Variants in NDRG2 observed in about 807,000 individuals in gnomAD.
NDRG2 encodes the protein NDRG family member 2.
A neutral mutation model predicts 58.2 loss-of-function variants in NDRG2; 34 were observed. That is an observed-to-expected ratio of 0.58 (90% CI 0.44 to 0.78). The LOEUF is 0.78. NDRG2 is among the 30% of genes least tolerant of loss of function. NDRG2 has a pLI of 0.00. For synonymous variants in NDRG2, 187 were observed against 175.9 expected (o/e 1.06, Z -0.50); for missense variants, 434 against 471.2 (o/e 0.92, Z 0.73).
upstream of NDRG2, among the ~76,000 whole-genome samples, chr14:21,029,884 G>A (rs1883944427): frequency 6.6e-6 from 1 of 152,174 alleles, no homozygotes; most frequent in Non-Finnish European, 1.5e-5. Flanking sequence ...AGAAATAAAT[G>A]TCTGTTGTTT....
At chr14:21,025,074 G>C, upstream of NDRG2, 2 of 986,028 alleles carry the variant, frequency 2.0e-6, no homozygotes, top group Non-Finnish European at 1.2e-6. This position sits in a 1 kb window ranked among gnomAD's most constrained non-coding sequence, Gnocchi z 5.1. Flanking sequence ...CTTTGACTCG[G>C]GCCCGCCCCG....
chr14:21,034,544 C>T, intron 1 of NDRG2: 1 of 472,918 alleles, frequency 2.1e-6, no homozygotes, highest in Non-Finnish European at 3.8e-6. Context: ...GCTACATTTG[C>T]AGAATAAGAG....
intron 1 of NDRG2, chr14:21,042,819 G>A (rs567746450): frequency 4.3e-4 from 263 of 615,744 alleles, no homozygotes; most frequent in Non-Finnish European, 6.7e-4. Context: ...TGCAGTGGAT[G>A]TGGACACACA....
At chr14:21,033,940 G>A (rs781034805) in intron 1 of NDRG2, 2 of 1,613,874 alleles carry the variant, frequency 1.2e-6, no homozygotes, top group East Asian at 2.2e-5. Flanking sequence ...GGTGGCTGTT[G>A]GTGGCTCAGG....
chr14:21,017,386 C>G lies in NDRG2; in HGVS notation c.*210G>C. 3.2e-6 allele frequency: 2 copies of G among 627,826 alleles called. No individual in the cohort carries two copies. The highest frequency in any genetic ancestry group is 4.0e-5 in the South Asian group (2 of 50,220). 38.9% of individuals were successfully genotyped at this position (627,826 alleles called of 1,614,324 possible). ...GAGGAGAATTTAGGGGTCTGGGTCC[C>G]TAAGAGATATTAGGACATCTCTTCC... is the stretch of plus-strand genomic sequence containing the variant. On this transcript the variant is annotated 3_prime_UTR_variant, in exon 16 of 16. Coordinates refer to ENST00000556147, the MANE Select transcript of NDRG2 (RefSeq NM_001320329.2).
chr14:21,050,153 G>A (rs1013174671), intron 1 of NDRG2, among the ~76,000 whole-genome samples: 2 of 152,174 alleles, frequency 1.3e-5, no homozygotes, highest in African/African-American at 4.8e-5. Flanking sequence ...TGAGACAAAA[G>A]CATGTTCATC....
At chr14:21,036,100 C>G (rs1406412505) in intron 1 of NDRG2, 1 of 432,536 alleles carries the variant, frequency 2.3e-6, no homozygotes, top group African/African-American at 2.0e-5. Context: ...ATGGTGAGTC[C>G]TCAGTATGAG....
chr14:21,046,867 A>G (rs1885192836), intron 1 of NDRG2: 1 of 152,234 alleles, frequency 6.6e-6, no homozygotes, highest in Non-Finnish European at 1.5e-5. Context: ...AATATTTACT[A>G]TTCGTTTAGT....
Position 21,033,837 on chromosome 14 carries a change from C to T in NDRG2, c.25-10516G>A, listed in dbSNP as rs778629862. On this transcript the variant is annotated intron_variant, in intron 1 of 14. Transcript: ENST00000403829. ...CAGGAATTAAATTCCCGAATAGAGA[C>T]CAGCGATACCTATTGGATCAGCTTC... The T allele has an allele frequency of 4.3e-6, 7 of 1,611,724 alleles. No individual in the cohort carries two copies. The Admixed American group carries it at 1.2e-4, about 27-fold the overall frequency.
chr14:21,022,049 A>T lies in NDRG2; in HGVS notation c.344+13T>A. The T allele has an allele frequency of 1.2e-6, 2 of 1,614,006 alleles. No individual in the cohort carries two copies. The stretch of plus-strand genomic sequence containing the variant: ...CTCACAGTCTGGTGAAGCAGTAACG[A>T]CCTAACTCTTACCCCAAAGGGAACA... On this transcript the variant is annotated intron_variant, in intron 5 of 15. Coordinates refer to ENST00000556147, the MANE Select transcript of NDRG2 (RefSeq NM_001320329.2).
chr14:21,049,371 A>G (rs1885361164), intron 1 of NDRG2, among the ~76,000 whole-genome samples: 1 of 152,200 alleles, frequency 6.6e-6, no homozygotes, highest in Non-Finnish European at 1.5e-5. Context: ...TATAGCAGAA[A>G]AACATTGTGG....
intron 1 of NDRG2, among the ~76,000 whole-genome samples, chr14:21,046,220 T>C (rs1032013586): frequency 6.6e-6 from 1 of 152,184 alleles, no homozygotes; most frequent in African/African-American, 2.4e-5. Flanking sequence ...GTTTATTAAA[T>C]TGTTGTAAAT....
At chr14:21,028,948 G>C (rs569945020), upstream of NDRG2, 1 of 152,218 alleles carries the variant, frequency 6.6e-6, no homozygotes, top group African/African-American at 2.4e-5. Flanking sequence ...TAGGATCCGT[G>C]AGGTTCATCT....
chr14:21,042,987 A>G, intron 1 of NDRG2: 1 of 1,610,468 alleles, frequency 6.2e-7, no homozygotes, highest in Non-Finnish European at 8.5e-7. Flanking sequence ...GCTCCTCCTA[A>G]GAGAGATGGC....
In NDRG2 at chr14:21,049,407, A is replaced by C. The variant is rs113774639; in HGVS notation, c.24+21421T>G. On this transcript the variant is annotated intron_variant, in intron 1 of 14. Transcript: ENST00000403829. ...TCATTACTTTCTATGGTTTTTTCATAGAAACTTAGTTGAACTTACACATTT... is the reference window on the plus strand; with the variant it reads ...TCATTACTTTCTATGGTTTTTTCATCGAAACTTAGTTGAACTTACACATTT... Among the ~76,000 whole-genome samples, 764 of 152,320 alleles carry C rather than the reference A, an allele frequency of 5.0e-3. 6 individuals are homozygous for C. The highest frequency in any genetic ancestry group is 0.018 in the African/African-American group (737 of 41,560).
intron 1 of NDRG2, among the ~76,000 whole-genome samples, chr14:21,051,716 G>A (rs1311717574): frequency 6.6e-6 from 1 of 152,216 alleles, no homozygotes. Context: ...TGTGGCCACT[G>A]GATTCCATGT....
At chr14:21,032,860 C>T (rs1884321195) in intron 1 of NDRG2, 2 of 439,446 alleles carry the variant, frequency 4.6e-6, no homozygotes, top group Admixed American at 2.6e-5. Flanking sequence ...TATGGGTTGA[C>T]AGGAAGTTAC....
chr14:21,065,199 A>C (rs556145302), intron 1 of NDRG2, among the ~76,000 whole-genome samples: 10 of 152,016 alleles, frequency 6.6e-5, no homozygotes, highest in East Asian at 3.9e-4. Context: ...ACAACAACAA[A>C]AAAATTCTGT....
chr14:21,043,493 C>G lies in NDRG2; in HGVS notation c.25-20172G>C, dbSNP rs112710361. 9.4e-4 allele frequency: 1,360 copies of G among 1,439,246 alleles called. 7 individuals are homozygous for G. The African/African-American group carries it at 0.014, about 15-fold the overall frequency. 89.2% of individuals were successfully genotyped at this position (1,439,246 alleles called of 1,614,324 possible). ...CCAGACTGGCTTGCTCTTTGGCTGA[C>G]CTTCAATTCCCTCTCCAGGACTCCG... is the stretch of plus-strand genomic sequence containing the variant. On this transcript the variant is annotated intron_variant, in intron 1 of 14. Coordinates refer to the NDRG2 transcript ENST00000403829.
Sources: gnomAD v4.1 joint callset for allele counts (sites outside exome capture counted in the v4.1 genomes callset) on GRCh38, gnomAD v4.1.1 for gene constraint, Gnocchi (gnomAD v3.1) non-coding constraint, MANE v1.5 for transcripts, NCBI Gene and HGNC (gene_info 2026-07-23, HGNC 2026-07-21) for gene names.